The following ACADSB variants were observed in gnomAD, a reference collection of about 807,000 sequenced individuals.
ACADSB encodes the protein acyl-CoA dehydrogenase short/branched chain.
Under a neutral mutation model 54.1 loss-of-function variants are expected in ACADSB, and 40 were observed. The ratio of observed to expected loss-of-function variants is 0.74; its 90% CI spans 0.57 to 0.96. The LOEUF (loss-of-function observed/expected upper bound fraction) is 0.96. Among genes scored for constraint, ACADSB ranks in the 40% least tolerant of loss-of-function variants. ACADSB has a pLI of 0.00. For missense variants in ACADSB, 530 were observed against 510.4 expected (o/e 1.04, Z -0.37); for synonymous variants, 182 against 182.8 (o/e 1.00, Z 0.03).
chr10:123,031,909 G>C (rs78244612), intron 1 of ACADSB, among the ~76,000 whole-genome samples: 1 of 152,054 alleles, frequency 6.6e-6, no homozygotes, highest in African/African-American at 2.4e-5. Flanking sequence ...AGTTGTGTCC[G>C]TGGGAAAAAT....
rs576674335 is a variant in ACADSB, at chr10:123,012,626, G to A, written c.42+3555G>A. 4.1e-4 allele frequency among the ~76,000 whole-genome samples: 62 copies of A among 152,156 alleles called. 1 individual carries two copies. The South Asian group carries it at 7.5e-3, about 18-fold the overall frequency. ...CAGGAGTGAAGCTGCAGACCTTCAC[G>A]GTGAGTGTTACAGCTCTTAAGGCGG... On this transcript the variant is annotated intron_variant, in intron 1 of 10. Transcript: ENST00000358776.
chr10:123,045,425 C>T (rs1407462489), intron 7 of ACADSB, among the ~76,000 whole-genome samples: 2 of 151,598 alleles, frequency 1.3e-5, no homozygotes, highest in African/African-American at 4.8e-5. Flanking sequence ...CGTGATCCAC[C>T]CGCCTCGGCC....
At chr10:123,046,614 T>C (rs1850563372) in intron 7 of ACADSB, among the ~76,000 whole-genome samples, 1 of 152,220 alleles carries the variant, frequency 6.6e-6, no homozygotes, top group African/African-American at 2.4e-5. Flanking sequence ...GATTCAGTCA[T>C]TAGGCCTGGG....
intron 1 of ACADSB, among the ~76,000 whole-genome samples, chr10:123,017,691 TAGA>T (rs149845151): frequency 0.03 from 4,628 of 152,292 alleles, 97 homozygotes; most frequent in African/African-American, 0.047. Flanking sequence ...GCTTTCCTGC[TAGA>T]CAAGAAACGT....
chr10:123,014,668 A>G (rs995810737), intron 1 of ACADSB, among the ~76,000 whole-genome samples: 2 of 152,260 alleles, frequency 1.3e-5, no homozygotes, highest in East Asian at 1.9e-4. Context: ...GAGGTAGGGT[A>G]TCTGTTTTAA....
rs1395452723 is a variant in ACADSB at position 123,058,289 on chromosome 10, G to A, written c.*4524G>A. 6.6e-6 allele frequency: 1 copy of A among 152,178 alleles called. No homozygotes were observed. The highest frequency in any genetic ancestry group is 1.5e-5 in the Non-Finnish European group (1 of 68,028). 9.4% of individuals were successfully genotyped at this position (152,178 alleles called of 1,614,324 possible). A position where few individuals can be genotyped will look rare whatever the true frequency, so the allele number is the denominator to read the frequency against. ...AAAAAATAAAGGACTAAATTAACTG[G>A]AGATTTTTGGTACTCTTATAAAGCA... On this transcript the variant is annotated 3_prime_UTR_variant, in exon 11 of 11. Coordinates refer to ENST00000358776, the MANE Select transcript of ACADSB (RefSeq NM_001609.4).
At chr10:123,047,131 T>C in intron 7 of ACADSB, 78 bp from the exon 8 acceptor site, 1 of 1,176,882 alleles carries the variant, frequency 8.5e-7, no homozygotes, top group Non-Finnish European at 1.2e-6. Context: ...CAATTTATGT[T>C]TAGAGGGAAT....
At chr10:123,021,275 G>A (rs1169618536) in intron 1 of ACADSB, among the ~76,000 whole-genome samples, 1 of 152,164 alleles carries the variant, frequency 6.6e-6, no homozygotes, top group Non-Finnish European at 1.5e-5. Context: ...TATAAGATGG[G>A]ATTCTCATAA....
intron 1 of ACADSB, among the ~76,000 whole-genome samples, chr10:123,012,719 G>A (rs181617528): frequency 2.6e-5 from 4 of 152,276 alleles, no homozygotes; most frequent in Admixed American, 2.6e-4. Context: ...TGAAGCTGCA[G>A]ACCTTCGCGG....
chr10:123,047,028 A>G (rs1850569170), intron 7 of ACADSB, among the ~76,000 whole-genome samples, 181 bp from the exon 8 acceptor site: 2 of 152,196 alleles, frequency 1.3e-5, no homozygotes, highest in Non-Finnish European at 2.9e-5. Flanking sequence ...AATTATTGGA[A>G]GTTCAGTTCT....
chr10:123,020,917 C>T (rs1319659703), intron 1 of ACADSB, among the ~76,000 whole-genome samples: 5 of 152,134 alleles, frequency 3.3e-5, no homozygotes, highest in Admixed American at 1.3e-4. Flanking sequence ...GCAGGAGACT[C>T]GCTTGAACCC....
chr10:123,040,685 G>C lies in ACADSB; in HGVS notation c.510+13G>C, dbSNP rs773089971. The C allele has an allele frequency of 4.7e-5, 75 of 1,601,576 alleles. No homozygotes were observed. The highest frequency in any genetic ancestry group is 5.6e-5 in the Non-Finnish European group (66 of 1,168,824). ...CACTACAGAAAAAGTGAGTTGAGAT[G>C]AATTGTTGATCTAATGGATCTAATC... is the stretch of plus-strand genomic sequence containing the variant. On this transcript the variant is annotated intron_variant, in intron 4 of 10. Transcript: ENST00000358776.
At chr10:123,027,868 G>T (rs1850276009) in intron 1 of ACADSB, among the ~76,000 whole-genome samples, 1 of 152,184 alleles carries the variant, frequency 6.6e-6, no homozygotes, top group African/African-American at 2.4e-5. Flanking sequence ...TAAGCATGGG[G>T]TAATGAGGTG....
At chr10:123,030,549 G>GA (rs1421822365) in intron 1 of ACADSB, among the ~76,000 whole-genome samples, 2 of 145,734 alleles carry the variant, frequency 1.4e-5, no homozygotes, top group Admixed American at 1.4e-4. Flanking sequence ...AAAAAGAAAA[G>GA]AAAAAAAATT....
Position 123,040,480 on chromosome 10 carries a change from A to T in ACADSB, c.318A>T (p.Glu106Asp). ...TTTTTCTTTAGTTGATGGGTATTGA[A>T]GTTGACCCAGAATATGGAGGCACAG... ...GLFQQGLMGIEVDPEYGGTGA... is the reference protein window; with the variant it reads ...GLFQQGLMGIDVDPEYGGTGA... The change falls in exon 4 of 11, where the codon GAA (glutamate) becomes GAT (aspartate). Residue 106 changes from glutamate (E) to aspartate (D), a missense_variant. Physicochemically the swap from Glu to Asp is conservative, Grantham distance 45. Coordinates refer to ENST00000358776, the MANE Select transcript of ACADSB (RefSeq NM_001609.4). 2 of 1,614,100 alleles carry T rather than the reference A, an allele frequency of 1.2e-6. No homozygotes were observed. The highest frequency in any genetic ancestry group is 1.7e-6 in the Non-Finnish European group (2 of 1,179,952).
chr10:123,034,264 G>T, intron 1 of ACADSB, 92 bp from the exon 2 acceptor site: 3 of 1,351,584 alleles, frequency 2.2e-6, no homozygotes, highest in Non-Finnish European at 3.1e-6. Context: ...TCCTTATTTT[G>T]GTGACATGAA....
At chr10:123,029,111 C>T (rs1449599112) in intron 1 of ACADSB, among the ~76,000 whole-genome samples, 2 of 151,994 alleles carry the variant, frequency 1.3e-5, no homozygotes, top group African/African-American at 2.4e-5. Context: ...CTTTGGGAGG[C>T]CAAGGTGGGC....
rs1489654586 is a variant in ACADSB, at chr10:123,041,251, T to C, written c.553T>C (p.Ser185Pro). Residue 185 changes from serine (S) to proline (P), a missense_variant, in exon 5 of 11, where the codon TCA (serine) becomes CCA (proline). Coordinates refer to ENST00000358776, the MANE Select transcript of ACADSB (RefSeq NM_001609.4). ...CLSEAGAGSD[S>P]FALKTRADKE... is the part of the protein sequence containing the mutation. ...TTCAGAGGCTGGAGCAGGTAGTGACTCATTTGCTTTGAAGACCAGAGCTGA... is the reference window on the plus strand; with the variant it reads ...TTCAGAGGCTGGAGCAGGTAGTGACCCATTTGCTTTGAAGACCAGAGCTGA... 6.2e-7 allele frequency: 1 copy of C among 1,614,196 alleles called. No homozygotes were observed. The highest frequency in any genetic ancestry group is 1.1e-5 in the South Asian group (1 of 91,078).
chr10:123,035,146 C>T (rs148257114), intron 2 of ACADSB, among the ~76,000 whole-genome samples: 191 of 152,158 alleles, frequency 1.3e-3, no homozygotes, highest in African/African-American at 3.9e-3. Flanking sequence ...TTAGTACAGA[C>T]GTGGTTTCAC....
Sources: allele counts gnomAD v4.1 joint callset (sites outside exome capture counted in the v4.1 genomes callset), GRCh38; gene constraint gnomAD v4.1.1; transcripts MANE v1.5; gene names NCBI Gene and HGNC (gene_info 2026-07-23, HGNC 2026-07-21).